The following CANX variants were observed in gnomAD, a reference collection of about 807,000 sequenced individuals.
CANX encodes the protein epididymis secretory sperm binding protein.
In CANX, 14 loss-of-function variants were observed where a neutral mutation model predicts 75.7. That is an observed-to-expected ratio of 0.19 (90% CI 0.12 to 0.29). CANX has a LOEUF of 0.29. CANX is among the 10% of genes least tolerant of loss of function. The pLI is 1.00. For missense variants in CANX, 567 were observed against 713.2 expected, an observed-to-expected ratio of 0.79 and a Z score of 2.34; for synonymous variants, 227 against 236.9, an observed-to-expected ratio of 0.96 and a Z score of 0.38.
chr5:179,703,544 TCTC>T (rs1272542603), intron 1 of CANX, among the ~76,000 whole-genome samples: 1 of 152,048 alleles, frequency 6.6e-6, no homozygotes, highest in Non-Finnish European at 1.5e-5. Context: ...GACTCAGGCT[TCTC>T]CTACCTTAGC....
intron 7 of CANX, among the ~76,000 whole-genome samples, chr5:179,711,626 T>C (rs1235119873): frequency 1.3e-5 from 2 of 149,596 alleles, no homozygotes; most frequent in African/African-American, 5.0e-5. Context: ...CCATCTCTAC[T>C]AAAAATACAA....
intron 1 of CANX, among the ~76,000 whole-genome samples, chr5:179,684,924 G>GTTTTTTTTTTTTT (rs781629512): frequency 6.9e-5 from 2 of 28,984 alleles, no homozygotes; most frequent in Non-Finnish European, 1.4e-4. Context: ...GGCTAATTTT[G>GTTTTTTTTTTTTT]TATTTTTTTT....
intron 1 of CANX, among the ~76,000 whole-genome samples, chr5:179,679,745 AC>A (rs1776006896): frequency 1.3e-5 from 2 of 151,412 alleles, no homozygotes; most frequent in Non-Finnish European, 2.9e-5. Flanking sequence ...TGCAACCTCC[AC>A]CTCCCGGGTT....
At chr5:179,698,807 G>C (rs1159176885), upstream of CANX, 7 of 678,768 alleles carry the variant, frequency 1.0e-5, no homozygotes, top group Non-Finnish European at 1.5e-5. Context: ...AAGAATAGCC[G>C]TAGGGGGCGT....
intron 1 of CANX, among the ~76,000 whole-genome samples, chr5:179,687,867 C>G (rs1021144967): frequency 1.3e-5 from 2 of 151,686 alleles, no homozygotes; most frequent in Non-Finnish European, 2.9e-5. Flanking sequence ...AACCCTGTCT[C>G]TACTAAAAAT....
At chr5:179,724,609 A>G (rs1403102516) in intron 12 of CANX, 48 bp from the exon 13 acceptor site, 1 of 1,532,994 alleles carries the variant, frequency 6.5e-7, no homozygotes, top group African/African-American at 1.4e-5. Flanking sequence ...ATTATATAAC[A>G]TAATACATGA....
At chr5:179,699,143 A>G (rs1274256264) in intron 1 of CANX, 41 bp downstream of exon 1, 2 of 990,326 alleles carry the variant, frequency 2.0e-6, no homozygotes, top group African/African-American at 3.5e-5. Flanking sequence ...GCCTGTGAGG[A>G]CCTCGGGGGG....
At chr5:179,692,620 T>C (rs1234183467) in intron 1 of CANX, among the ~76,000 whole-genome samples, 1 of 152,068 alleles carries the variant, frequency 6.6e-6, no homozygotes, top group Admixed American at 6.5e-5. Flanking sequence ...CTCAACCTCC[T>C]GGGCTGAATC....
chr5:179,723,710 G>A lies in CANX; in HGVS notation c.1449G>A (p.Leu483=), dbSNP rs761235960. 1 of 1,613,784 alleles carries A rather than the reference G, an allele frequency of 6.2e-7. No homozygotes were observed. Among genetic ancestry groups the A allele is most frequent in the Non-Finnish European group, 8.5e-7 (1 of 1,179,754 alleles). Residue 483 remains leucine, a synonymous_variant, in exon 12 of 15, where the codon CTG becomes CTA. Coordinates refer to ENST00000247461, the MANE Select transcript of CANX (RefSeq NM_001746.4). The part of the protein sequence containing the change: ...MIEAAEERPW[L]WVVYILTVAL... ...AGGCAGCTGAAGAGCGCCCGTGGCT[G>A]TGGGTAGTCTATATTCTAACTGTAG...
In CANX at chr5:179,678,874, C is replaced by T. The variant is rs1466123293; in HGVS notation, c.-4+97C>T. On this transcript the variant is annotated intron_variant, in intron 1 of 14. Coordinates refer to the CANX transcript ENST00000681674. ...GCGAGAGCAGCGGCGACCGCGTCCTCGCCAGCTGGCTCTCAGTGGTCCACC... is the reference window on the plus strand; with the variant it reads ...GCGAGAGCAGCGGCGACCGCGTCCTTGCCAGCTGGCTCTCAGTGGTCCACC... 3.3e-6 allele frequency: 5 copies of T among 1,536,132 alleles called. No homozygotes were observed. In the African/African-American group the frequency reaches 6.8e-5, roughly 21 times the overall value.
chr5:179,723,135 C>T, intron 11 of CANX, 116 bp downstream of exon 11: 1 of 821,932 alleles, frequency 1.2e-6, no homozygotes. Flanking sequence ...AAAAGTATAA[C>T]CATATGCCTG....
intron 10 of CANX, 79 bp from the exon 11 acceptor site, chr5:179,722,725 A>G: frequency 2.2e-6 from 2 of 929,174 alleles, no homozygotes; most frequent in Non-Finnish European, 3.3e-6. Context: ...TTCATGCAAA[A>G]TTTCTCTTAC....
At chr5:179,680,998 A>G in intron 1 of CANX, 1 of 1,299,282 alleles carries the variant, frequency 7.7e-7, no homozygotes, top group Non-Finnish European at 1.1e-6. Flanking sequence ...CTCACCTGGA[A>G]GATGGGGTGG....
chr5:179,715,145 T>C (rs915680172), intron 7 of CANX, among the ~76,000 whole-genome samples: 1 of 152,252 alleles, frequency 6.6e-6, no homozygotes, highest in African/African-American at 2.4e-5. Flanking sequence ...ATAGGATTCC[T>C]TGTTTGGATG....
intron 1 of CANX, among the ~76,000 whole-genome samples, chr5:179,688,185 G>A (rs893790736): frequency 6.8e-6 from 1 of 146,068 alleles, no homozygotes; most frequent in Non-Finnish European, 1.5e-5. Context: ...AGCCTCCCGA[G>A]TAGCTGGGAC....
At chr5:179,713,777 G>C (rs547455643) in intron 7 of CANX, among the ~76,000 whole-genome samples, 1 of 152,042 alleles carries the variant, frequency 6.6e-6, no homozygotes, top group Non-Finnish European at 1.5e-5. Flanking sequence ...ATTCAGGCTT[G>C]GTAGCATGTA....
chr5:179,698,964 G>C (rs966247751), upstream of CANX: 17 of 1,122,668 alleles, frequency 1.5e-5, no homozygotes, highest in Non-Finnish European at 1.9e-5. Flanking sequence ...TCGCTCGCGC[G>C]GCAGCGGTGG....
intron 1 of CANX, among the ~76,000 whole-genome samples, chr5:179,688,339 G>A (rs988539547): frequency 8.7e-5 from 12 of 138,216 alleles, no homozygotes; most frequent in Admixed American, 6.0e-4. Context: ...GAGCGTGAGC[G>A]ACGGTGCCTG....
chr5:179,690,877 A>G (rs1776288516), intron 1 of CANX, among the ~76,000 whole-genome samples: 1 of 152,034 alleles, frequency 6.6e-6, no homozygotes, highest in African/African-American at 2.4e-5. Flanking sequence ...CGACAGAGTG[A>G]GACTCTCTCA....
Sources: gnomAD v4.1 joint callset for allele counts (sites outside exome capture counted in the v4.1 genomes callset) on GRCh38, gnomAD v4.1.1 for gene constraint, MANE v1.5 for transcripts, NCBI Gene and HGNC (gene_info 2026-07-23, HGNC 2026-07-21) for gene names.